Variants in CIITA observed in about 807,000 individuals in gnomAD.
CIITA encodes the protein class II major histocompatibility complex transactivator.
In CIITA, 72 loss-of-function variants were observed where a neutral mutation model predicts 115.1. The observed-to-expected ratio is 0.63, with a 90% CI of 0.52 to 0.76. CIITA has a LOEUF of 0.76. Ranked by LOEUF, CIITA falls within the 30% of genes least tolerant of loss-of-function variation. CIITA has a pLI of 0.00. For missense variants in CIITA, 1,617 were observed against 1,463.8 expected, an observed-to-expected ratio of 1.10 and a Z score of -1.71; for synonymous variants, 763 against 635.6, an observed-to-expected ratio of 1.20 and a Z score of -3.02.
intron 3 of CIITA, among the ~76,000 whole-genome samples, chr16:10,897,774 C>A (rs2038281415): frequency 6.6e-6 from 1 of 150,596 alleles, no homozygotes; most frequent in Non-Finnish European, 1.5e-5. Flanking sequence ...TTAGGTACTA[C>A]CCCACAACCA....
In CIITA at chr16:10,884,134, C is replaced by T. The variant is rs1037854056; in HGVS notation, c.52+6752C>T. The stretch of plus-strand genomic sequence containing the variant: ...TCACACAGACTCATTTCACTTGTGA[C>T]TGAGCTTGTCCTTCTTTCTTTAACC... On this transcript the variant is annotated intron_variant, in intron 1 of 19. Transcript: ENST00000324288. Among the ~76,000 whole-genome samples, 5 of 135,832 alleles carry T rather than the reference C, an allele frequency of 3.7e-5. 1 individual carries two copies. Among genetic ancestry groups the T allele is most frequent in the African/African-American group, 1.3e-4 (5 of 37,508 alleles). The allele number at this position is 135,832 out of a possible 152,430, so 89.1% of individuals were successfully genotyped here. A position where few individuals can be genotyped will look rare whatever the true frequency, so the allele number is the denominator to read the frequency against.
At position 10,925,140 on chromosome 16, in the gene CIITA, G is replaced by T. The variant is rs932902198; in HGVS notation, c.*1285G>T. ...AGGCAATGCTGGCTGTTGGCTGGGG[G>T]CCTCAGTGCCACTACGGAATAGTTG... On this transcript the variant is annotated 3_prime_UTR_variant, in exon 20 of 20. Transcript: ENST00000324288. 6.6e-6 allele frequency: 1 copy of T among 152,228 alleles called. No individual in the cohort carries two copies. The highest frequency in any genetic ancestry group is 2.4e-5 in the African/African-American group (1 of 41,456). The allele number at this position is 152,228 out of a possible 1,614,324, so 9.4% of individuals were successfully genotyped here.
downstream of CIITA, chr16:10,937,008 G>A (rs530614327): frequency 6.6e-6 from 1 of 152,332 alleles, no homozygotes; most frequent in East Asian, 1.9e-4. The surrounding 1 kb of genome is among the most constrained non-coding windows in gnomAD (Gnocchi z 4.2). Context: ...TGTAAGTGGG[G>A]CAGACCCTGC....
downstream of CIITA, chr16:10,936,846 G>A (rs1412798496): frequency 6.6e-6 from 1 of 152,204 alleles, no homozygotes; most frequent in Non-Finnish European, 1.5e-5. Context: ...GGATAAAGAG[G>A]TCTGCCACTT....
chr16:10,907,305 C>G lies in CIITA; in HGVS notation c.1813C>G (p.Leu605Val). ...GCTCCTCCGGGACCGGCCACTTCTT[C>G]TCAGTCACAGCCACAGCCCTACTTT... ...LTLLRDRPLL[L>V]SHSHSPTLCR... The change falls in exon 11 of 20, where the codon CTC becomes GTC. Residue 605 changes from leucine (L) to valine (V), a missense_variant. Physicochemically the swap from Leu to Val is conservative, Grantham distance 32 (BLOSUM62 1). Transcript: ENST00000324288. The surrounding 1 kb of genome is among the most constrained non-coding windows in gnomAD (Gnocchi z 5.0). The G allele has an allele frequency of 6.2e-7, 1 of 1,613,686 alleles. No homozygotes were observed. The highest frequency in any genetic ancestry group is 2.2e-5 in the East Asian group (1 of 44,882).
chr16:10,891,434 A>G (rs2037571781), intron 1 of CIITA, among the ~76,000 whole-genome samples: 2 of 152,104 alleles, frequency 1.3e-5, no homozygotes, highest in African/African-American at 4.8e-5. Flanking sequence ...GAGAAAACTG[A>G]GTTTGGGTAA....
At position 10,906,501 on chromosome 16, in the gene CIITA, C is replaced by T. The variant is rs1294067359; in HGVS notation, c.1009C>T (p.Pro337Ser). ...TGACACGCCCCTGGCCTTTGCAGAG[C>T]CGGTGGAGCAGTTCTACCGCTCACT... ...VSNKLPKWPE[P>S]VEQFYRSLQD... Residue 337 changes from proline (P) to serine (S), a missense_variant and splice_region_variant, in exon 11 of 20, where the codon CCG becomes TCG. By Grantham distance (74) the Pro-to-Ser change is moderately conservative. Transcript: ENST00000324288. 1 of 1,611,716 alleles carries T rather than the reference C, an allele frequency of 6.2e-7. No individual in the cohort carries two copies. The highest frequency in any genetic ancestry group is 1.3e-5 in the African/African-American group (1 of 74,994).
rs1300385594 is a variant in CIITA, at chr16:10,942,444, C to A, written n.1570C>A. 1 of 153,360 alleles carries A rather than the reference C, an allele frequency of 6.5e-6. No individual in the cohort carries two copies. Among genetic ancestry groups the A allele is most frequent in the Non-Finnish European group, 1.5e-5 (1 of 68,836 alleles). The allele number at this position is 153,360 out of a possible 1,614,324, so 9.5% of individuals were successfully genotyped here. ...GGCCCAGCACCCATGGCTGCGGCCG[C>A]CGCGTAGCCCTCCCGGTGGCGCTCG... On this transcript the variant is annotated non_coding_transcript_exon_variant, in exon 2 of 2. Coordinates refer to the CIITA transcript ENST00000573379. The surrounding 1 kb of genome is among the most constrained non-coding windows in gnomAD (Gnocchi z 5.0).
Position 10,916,633 on chromosome 16 carries a change from T to C in CIITA, c.3062+174T>C, listed in dbSNP as rs755202029. On this transcript the variant is annotated intron_variant, in intron 15 of 19. Transcript: ENST00000324288. The stretch of plus-strand genomic sequence containing the variant: ...CTTGAACTCCTGGCCTCAAGGAATC[T>C]CCTCACCTCCGCTTCCCAAAGTGCT... The C allele has an allele frequency of 6.1e-6, 4 of 657,182 alleles. No homozygotes were observed. The South Asian group carries it at 6.8e-5, about 11-fold the overall frequency. The allele number at this position is 657,182 out of a possible 1,614,324, so 40.7% of individuals were successfully genotyped here.
In CIITA at chr16:10,927,840, C is replaced by T. The variant is rs1005371772; in HGVS notation, c.*3985C>T. 3 of 152,282 alleles carry T rather than the reference C, an allele frequency of 2.0e-5. No homozygotes were observed. Among genetic ancestry groups the T allele is most frequent in the Admixed American group, 1.3e-4 (2 of 15,288 alleles). The allele number at this position is 152,282 out of a possible 1,614,324, so 9.4% of individuals were successfully genotyped here. ...TCTTTGGAGGACCTCTCTGCAGGGACAGGCACAGTGTGCCGGAAGTGCCCC... is the reference window on the plus strand; with the variant it reads ...TCTTTGGAGGACCTCTCTGCAGGGATAGGCACAGTGTGCCGGAAGTGCCCC... On this transcript the variant is annotated 3_prime_UTR_variant, in exon 20 of 20. Coordinates refer to ENST00000324288, the MANE Select transcript of CIITA (RefSeq NM_000246.4).
rs1567421977 is a variant in CIITA, at chr16:10,907,789, C to A, written c.2297C>A (p.Pro766His). The stretch of plus-strand genomic sequence containing the variant: ...CTGGCTGGGCTGATCTTCCAGCCTC[C>A]CGCCCGCTGCCTGGGAGCCCTACTC... ...RFLAGLIFQP[P>H]ARCLGALLGP... Residue 766 changes from proline (P) to histidine (H), a missense_variant, in exon 11 of 20, where the codon CCC becomes CAC. By Grantham distance (77) the Pro-to-His change is moderately conservative (BLOSUM62 -2). Coordinates refer to ENST00000324288, the MANE Select transcript of CIITA (RefSeq NM_000246.4). This position sits in a 1 kb window ranked among gnomAD's most constrained non-coding sequence, Gnocchi z 5.0. 6.2e-7 allele frequency: 1 copy of A among 1,614,168 alleles called. No homozygotes were observed. Among genetic ancestry groups the A allele is most frequent in the Non-Finnish European group, 8.5e-7 (1 of 1,180,012 alleles).
At chr16:10,940,592 C>T (rs1218933199), downstream of CIITA, 1 of 152,464 alleles carries the variant, frequency 6.6e-6, no homozygotes, top group Non-Finnish European at 1.5e-5. This position sits in a 1 kb window ranked among gnomAD's most constrained non-coding sequence, Gnocchi z 4.2. Flanking sequence ...TCCTGCCTGC[C>T]CTGTGACCCT....
At chr16:10,881,705 A>G (rs186750520) in intron 1 of CIITA, among the ~76,000 whole-genome samples, 82 of 152,352 alleles carry the variant, frequency 5.4e-4, no homozygotes, top group Non-Finnish European at 9.6e-4. Context: ...CATTTTAACC[A>G]CTTTCAAATG....
At chr16:10,877,031 A>C (rs1418781875), upstream of CIITA, among the ~76,000 whole-genome samples, 1 of 152,224 alleles carries the variant, frequency 6.6e-6, no homozygotes, top group Admixed American at 6.5e-5. Flanking sequence ...AAGTGAAATT[A>C]ATTTCAGAGG....
At chr16:10,895,581 C>CT in intron 2 of CIITA, 88 bp from the exon 3 acceptor site, 1 of 1,569,492 alleles carries the variant, frequency 6.4e-7, no homozygotes, top group South Asian at 1.1e-5. Flanking sequence ...TGGGGATGAT[C>CT]TCCCAGCCCT....
chr16:10,887,791 G>A (rs1159417061), intron 1 of CIITA, among the ~76,000 whole-genome samples: 1 of 152,080 alleles, frequency 6.6e-6, no homozygotes, highest in Non-Finnish European at 1.5e-5. Flanking sequence ...CACCACCCCT[G>A]GCCTCCTTCT....
chr16:10,922,847 TTTA>T (rs1295891178), intron 18 of CIITA: 1 of 495,230 alleles, frequency 2.0e-6, no homozygotes, highest in East Asian at 3.6e-5. Context: ...AGGTTTATCT[TTTA>T]TTAAGTCACC....
chr16:10,922,475 A>T lies in CIITA; in HGVS notation c.3302A>T (p.His1101Leu). 2 of 1,614,038 alleles carry T rather than the reference A, an allele frequency of 1.2e-6. No homozygotes were observed. The highest frequency in any genetic ancestry group is 1.7e-6 in the Non-Finnish European group (2 of 1,179,914). Residue 1101 changes from histidine to leucine, a missense_variant, in exon 18 of 20, where the codon CAT (histidine) becomes CTT (leucine). Transcript: ENST00000324288. ...GCTGCCAGCCTTCGGAGGTGTCCTC[A>T]TGTGGAGACGCTGGCGTAAGTCCAG... ...QLAASLRRCP[H>L]VETLAMWTPT... is the part of the protein sequence containing the mutation.
At chr16:10,893,823 A>AAC (rs1248361960) in intron 1 of CIITA, among the ~76,000 whole-genome samples, 1 of 149,524 alleles carries the variant, frequency 6.7e-6, no homozygotes, top group African/African-American at 2.5e-5. Flanking sequence ...AAAAAAAAAA[A>AAC]AAAAAAAAAA....
Sources: allele counts gnomAD v4.1 joint callset (sites outside exome capture counted in the v4.1 genomes callset), GRCh38; gene constraint gnomAD v4.1.1; non-coding constraint Gnocchi (gnomAD v3.1); transcripts MANE v1.5; gene names NCBI Gene and HGNC (gene_info 2026-07-23, HGNC 2026-07-21).